TTK: variants seen among roughly 807,000 people sequenced by gnomAD.
TTK encodes dual specificity protein kinase TTK.
A neutral mutation model predicts 117.3 loss-of-function variants in TTK; 59 were observed. The observed-to-expected ratio is 0.50, with a 90% CI of 0.41 to 0.62. The LOEUF (loss-of-function observed/expected upper bound fraction) is 0.62. Ranked by LOEUF, TTK falls within the 20% of genes least tolerant of loss-of-function variation. The pLI is 0.00. For synonymous variants in TTK, 302 were observed against 325.0 expected (o/e 0.93, Z 0.76); for missense variants, 921 against 989.4 (o/e 0.93, Z 0.93).
At chr6:80,023,321 C>T (rs558002605) in intron 11 of TTK, among the ~76,000 whole-genome samples, 9 of 152,324 alleles carry the variant, frequency 5.9e-5, no homozygotes, top group East Asian at 3.9e-4. Flanking sequence ...GGGCTGGGCA[C>T]GATGGCTCAC....
At position 80,011,732 on chromosome 6, in the gene TTK, G is replaced by C; in HGVS notation, c.732G>C (p.Glu244Asp). ...QTTKARFLYGENMPPQDAEIG... is the reference protein window; with the variant it reads ...QTTKARFLYGDNMPPQDAEIG... ...GGGGTATTTTCTTTCTGTTTAGAGA[G>C]AACATGCCACCACAAGATGCAGAAA... The change falls in exon 7 of 22, where the codon GAG (glutamate) becomes GAC (aspartate). Residue 244 changes from glutamate to aspartate, a missense_variant. Coordinates refer to ENST00000369798, the MANE Select transcript of TTK (RefSeq NM_003318.5). 1.2e-6 allele frequency: 2 copies of C among 1,612,454 alleles called. No individual in the cohort carries two copies. The highest frequency in any genetic ancestry group is 1.7e-6 in the Non-Finnish European group (2 of 1,179,122).
chr6:80,026,656 T>C (rs1034054078), intron 12 of TTK, 142 bp downstream of exon 12: 1 of 1,224,768 alleles, frequency 8.2e-7, no homozygotes, highest in South Asian at 1.4e-5. Flanking sequence ...TCAGCATCAG[T>C]GTTTTCATCT....
At chr6:80,007,554 C>A (rs1767025353) in intron 2 of TTK, among the ~76,000 whole-genome samples, 1 of 151,996 alleles carries the variant, frequency 6.6e-6, no homozygotes, top group Non-Finnish European at 1.5e-5. Context: ...TACAAAAAAA[C>A]TCACTTATTT....
chr6:80,014,685 CTG>C, intron 10 of TTK, 99 bp downstream of exon 10: 2 of 1,235,708 alleles, frequency 1.6e-6, no homozygotes, highest in East Asian at 2.5e-5. Flanking sequence ...TGATGTGAAA[CTG>C]TGTCTATGTT....
chr6:80,008,887 A>G (rs1767066916), intron 4 of TTK, among the ~76,000 whole-genome samples: 1 of 150,008 alleles, frequency 6.7e-6, no homozygotes, highest in Non-Finnish European at 1.5e-5. Context: ...AATGTACATT[A>G]AAGTGTAGCT....
intron 14 of TTK, among the ~76,000 whole-genome samples, chr6:80,034,272 AC>A (rs1767834232): frequency 6.6e-6 from 1 of 152,160 alleles, no homozygotes; most frequent in African/African-American, 2.4e-5. Context: ...TGGTCAAGAC[AC>A]TGGTAACTTC....
chr6:80,015,138 G>C (rs967357948), intron 10 of TTK, among the ~76,000 whole-genome samples: 4 of 152,078 alleles, frequency 2.6e-5, no homozygotes, highest in African/African-American at 9.7e-5. Context: ...GAGAAATAAG[G>C]AAATATTTTG....
chr6:80,019,842 C>T (rs1003827832), intron 10 of TTK, among the ~76,000 whole-genome samples: 2 of 151,984 alleles, frequency 1.3e-5, no homozygotes, highest in African/African-American at 4.8e-5. Flanking sequence ...TAGACATAGA[C>T]AAATATAAAA....
intron 16 of TTK, among the ~76,000 whole-genome samples, chr6:80,036,148 A>G (rs1374294587): frequency 1.3e-5 from 2 of 152,048 alleles, no homozygotes; most frequent in Admixed American, 1.3e-4. Flanking sequence ...TCTGGCTTCA[A>G]TTCTAACTGT....
chr6:80,006,212 A>C lies in TTK; in HGVS notation c.139+230A>C, dbSNP rs553226968. The C allele has an allele frequency of 1.8e-5, 9 of 508,884 alleles. No individual in the cohort carries two copies. In the East Asian group the frequency reaches 4.1e-4, roughly 23 times the overall value. 31.5% of individuals were successfully genotyped at this position (508,884 alleles called of 1,614,324 possible). On this transcript the variant is annotated intron_variant, in intron 2 of 21. Coordinates refer to ENST00000369798, the MANE Select transcript of TTK (RefSeq NM_003318.5). Reference sequence around the variant, plus strand: ...CTTAAACATTTATTGAACAATGATTAATGGGTGAAAATGCCCAGAGTTTAA... The same window carrying C: ...CTTAAACATTTATTGAACAATGATTCATGGGTGAAAATGCCCAGAGTTTAA...
chr6:80,014,753 G>T (rs889246303), intron 10 of TTK, among the ~76,000 whole-genome samples, 167 bp downstream of exon 10: 6 of 152,088 alleles, frequency 3.9e-5, no homozygotes, highest in Non-Finnish European at 5.9e-5. Flanking sequence ...TACTGAATCC[G>T]CAGCAAAGGA....
At chr6:80,018,929 T>C (rs1767387513) in intron 10 of TTK, among the ~76,000 whole-genome samples, 1 of 152,198 alleles carries the variant, frequency 6.6e-6, no homozygotes, top group Admixed American at 6.5e-5. Context: ...TCAGATGTTT[T>C]TTCTGCATCT....
intron 11 of TTK, 129 bp from the exon 12 acceptor site, chr6:80,026,248 CT>C (rs1767600602): frequency 1.1e-6 from 1 of 915,044 alleles, no homozygotes; most frequent in African/African-American, 1.7e-5. Context: ...ATATATATGC[CT>C]ATCTCTTTTA....
intron 11 of TTK, among the ~76,000 whole-genome samples, chr6:80,026,166 G>A (rs1337690012): frequency 6.6e-6 from 1 of 152,044 alleles, no homozygotes; most frequent in Non-Finnish European, 1.5e-5. Flanking sequence ...ATCAGTTTGA[G>A]CAGAATGCAC....
rs1481343179 is a variant in TTK, at chr6:80,022,416, G to A, written c.1201G>A (p.Ala401Thr). Residue 401 changes from alanine to threonine, a missense_variant, in exon 11 of 22, where the codon GCT becomes ACT. Ala to Thr is a moderately conservative substitution (Grantham distance 58). Coordinates refer to ENST00000369798, the MANE Select transcript of TTK (RefSeq NM_003318.5). ...RKSECINQNP[A>T]ASSNHWQIPE... is the part of the protein sequence containing the mutation. ...GTCAGAGTGTATTAACCAGAATCCTGCTGCATCTTCAAATCACTGGCAGAT... is the reference window on the plus strand; with the variant it reads ...GTCAGAGTGTATTAACCAGAATCCTACTGCATCTTCAAATCACTGGCAGAT... 1 of 1,613,830 alleles carries A rather than the reference G, an allele frequency of 6.2e-7. No homozygotes were observed. Among genetic ancestry groups the A allele is most frequent in the Non-Finnish European group, 8.5e-7 (1 of 1,179,952 alleles).
At chr6:80,021,316 G>A (rs917474281) in intron 10 of TTK, among the ~76,000 whole-genome samples, 2 of 152,198 alleles carry the variant, frequency 1.3e-5, no homozygotes, top group Non-Finnish European at 1.5e-5. Context: ...TGGCTCCTGC[G>A]TTGGCCTGGT....
Position 80,011,806 on chromosome 6 carries a change from G to C in TTK, c.801+5G>C, listed in dbSNP as rs239559. 14,033 of 1,612,540 alleles carry C rather than the reference G, an allele frequency of 8.7e-3. 1,079 individuals are homozygous for C. In the African/African-American group the frequency reaches 0.16, roughly 19 times the overall value. The stretch of plus-strand genomic sequence containing the variant: ...CAAACTAACAAAACTAAACAGGTAA[G>C]TTACTTTCAATCTGCTTGATTAAGG... On this transcript the variant is annotated splice_donor_5th_base_variant and intron_variant, in intron 7 of 21. Coordinates refer to ENST00000369798, the MANE Select transcript of TTK (RefSeq NM_003318.5).
chr6:80,009,185 C>G (rs963138431), intron 4 of TTK, among the ~76,000 whole-genome samples: 1 of 151,982 alleles, frequency 6.6e-6, no homozygotes, highest in African/African-American at 2.4e-5. Flanking sequence ...TCCATTCTCC[C>G]ACTGCCTTGT....
intron 10 of TTK, among the ~76,000 whole-genome samples, chr6:80,021,901 T>G (rs927267399): frequency 1.3e-5 from 2 of 151,972 alleles, no homozygotes; most frequent in African/African-American, 4.8e-5. Flanking sequence ...AAACTAAGGG[T>G]TTCAAAGTAT....
Sources: gnomAD v4.1 joint callset for allele counts (sites outside exome capture counted in the v4.1 genomes callset) on GRCh38, gnomAD v4.1.1 for gene constraint, MANE v1.5 for transcripts, NCBI Gene and HGNC (gene_info 2026-07-23, HGNC 2026-07-21) for gene names.